PRKD1: variants seen among roughly 807,000 people sequenced by gnomAD.
PRKD1 encodes serine/threonine-protein kinase D1.
PRKD1 carries 63 observed loss-of-function variants against 95.9 expected under a neutral mutation model. That is an observed-to-expected ratio of 0.66 (90% confidence interval 0.54 to 0.81). The LOEUF is 0.81. Ranked by LOEUF, PRKD1 falls within the 30% of genes least tolerant of loss-of-function variation. The probability of loss-of-function intolerance (pLI) is 0.00; values close to 1 mark genes in which losing one functional copy is unlikely to be tolerated. For missense variants in PRKD1, 1,048 were observed against 1,165.3 expected (o/e 0.90, Z 1.47); for synonymous variants, 425 against 423.1 (o/e 1.00, Z -0.05).
At chr14:29,773,657 C>T (rs916961832) in intron 1 of PRKD1, among the ~76,000 whole-genome samples, 9 of 152,064 alleles carry the variant, frequency 5.9e-5, no homozygotes, top group Non-Finnish European at 1.3e-4. Context: ...TTATTTGATA[C>T]AATATTTCTA....
At position 29,731,580 on chromosome 14, in the gene PRKD1, A is replaced by G. The variant is rs1172147726; in HGVS notation, c.265-5906T>C. Among the ~76,000 whole-genome samples, 4 of 151,856 alleles carry G rather than the reference A, an allele frequency of 2.6e-5. No homozygotes were observed. The South Asian group carries it at 6.2e-4, about 24-fold the overall frequency. On this transcript the variant is annotated intron_variant, in intron 1 of 17. Coordinates refer to ENST00000331968, the MANE Select transcript of PRKD1 (RefSeq NM_002742.3). ...GGATTTTTTTCTCTTTTTCCTTTCA[A>G]TTCTATTATTTGCTTTAAGTATTCT...
At position 29,638,583 on chromosome 14, in the gene PRKD1, T is replaced by C. The variant is rs1236873815; in HGVS notation, c.908-17A>G. The C allele has an allele frequency of 6.2e-7, 1 of 1,613,968 alleles. No individual in the cohort carries two copies. Among genetic ancestry groups the C allele is most frequent in the Non-Finnish European group, 8.5e-7 (1 of 1,179,938 alleles). ...ATCTGCAATCTAATCCCAGTGATTT[T>C]CAAACAAAACAAAATGAGAATTTGT... On this transcript the variant is annotated splice_polypyrimidine_tract_variant and intron_variant, in intron 5 of 17. Transcript: ENST00000331968.
intron 1 of PRKD1, among the ~76,000 whole-genome samples, chr14:29,908,935 G>T (rs1006870363): frequency 3.9e-5 from 6 of 152,160 alleles, no homozygotes; most frequent in Admixed American, 2.6e-4. Context: ...CACTATGGGA[G>T]CCCCTCTCTG....
chr14:29,823,119 T>C (rs1359933514), intron 1 of PRKD1, among the ~76,000 whole-genome samples: 1 of 152,168 alleles, frequency 6.6e-6, no homozygotes, highest in Non-Finnish European at 1.5e-5. Context: ...TAACTGAATA[T>C]ACTATGTGTG....
At chr14:29,906,763 A>G (rs953874192) in intron 1 of PRKD1, among the ~76,000 whole-genome samples, 1 of 152,230 alleles carries the variant, frequency 6.6e-6, no homozygotes, top group Non-Finnish European at 1.5e-5. Flanking sequence ...GAGTTTCTCA[A>G]ATTCACTTCA....
chr14:29,695,920 A>G (rs1884491701), intron 2 of PRKD1, among the ~76,000 whole-genome samples: 1 of 152,234 alleles, frequency 6.6e-6, no homozygotes, highest in East Asian at 1.9e-4. Context: ...GCATTTTACA[A>G]TAAATGTAAA....
intron 2 of PRKD1, among the ~76,000 whole-genome samples, chr14:29,696,136 G>A (rs553191309): frequency 1.3e-5 from 2 of 152,210 alleles, no homozygotes; most frequent in East Asian, 1.9e-4. Flanking sequence ...AGTGACTCGG[G>A]ATAGTCTAGT....
At chr14:29,789,381 G>A (rs1889431011) in intron 1 of PRKD1, among the ~76,000 whole-genome samples, 1 of 152,062 alleles carries the variant, frequency 6.6e-6, no homozygotes. Context: ...CAATTTTATG[G>A]ATGGCTTTTT....
chr14:29,801,559 T>G (rs562159880), intron 1 of PRKD1, among the ~76,000 whole-genome samples: 1 of 152,254 alleles, frequency 6.6e-6, no homozygotes, highest in African/African-American at 2.4e-5. Flanking sequence ...AACCTCAATA[T>G]GCTTATTAAA....
intron 2 of PRKD1, among the ~76,000 whole-genome samples, chr14:29,685,129 T>C (rs575234805): frequency 1.9e-4 from 29 of 152,338 alleles, no homozygotes; most frequent in African/African-American, 5.8e-4. Flanking sequence ...ATGTGGCTTC[T>C]TGCCATTTCC....
At chr14:29,617,135 CT>C (rs553761727) in intron 13 of PRKD1, among the ~76,000 whole-genome samples, 31 of 152,216 alleles carry the variant, frequency 2.0e-4, no homozygotes, top group Admixed American at 6.5e-4. Flanking sequence ...CATGATTTCC[CT>C]TTTTTATGGC....
At chr14:29,762,423 C>A (rs1175925545) in intron 1 of PRKD1, among the ~76,000 whole-genome samples, 1 of 152,126 alleles carries the variant, frequency 6.6e-6, no homozygotes, top group Non-Finnish European at 1.5e-5. Context: ...AGACAGGATG[C>A]TTCTTTGAGT....
chr14:29,645,500 C>T (rs1165531219), intron 4 of PRKD1, among the ~76,000 whole-genome samples: 2 of 152,200 alleles, frequency 1.3e-5, no homozygotes, highest in Admixed American at 6.5e-5. Flanking sequence ...CCAGAAATTT[C>T]GAGATCTAGC....
At chr14:29,730,172 G>C (rs1249347581) in intron 1 of PRKD1, among the ~76,000 whole-genome samples, 1 of 151,952 alleles carries the variant, frequency 6.6e-6, no homozygotes, top group Non-Finnish European at 1.5e-5. Context: ...GAATAGACAT[G>C]TCTCAAAAGA....
chr14:29,578,457 TGC>T, intron 16 of PRKD1, 97 bp from the exon 17 acceptor site: 3 of 690,488 alleles, frequency 4.3e-6, no homozygotes, highest in Non-Finnish European at 6.2e-6. Flanking sequence ...CACAGTTAAA[TGC>T]AGCATAGTGA....
intron 1 of PRKD1, among the ~76,000 whole-genome samples, chr14:29,847,953 C>A (rs1286263766): frequency 1.3e-5 from 2 of 152,082 alleles, no homozygotes; most frequent in Admixed American, 6.6e-5. Context: ...ATTGTCTCCC[C>A]ATCTAGACAA....
At chr14:29,696,388 G>A (rs563818441) in intron 2 of PRKD1, among the ~76,000 whole-genome samples, 4 of 152,248 alleles carry the variant, frequency 2.6e-5, no homozygotes, top group South Asian at 2.1e-4. Flanking sequence ...TATAAGATAC[G>A]AAAATCAAGT....
At chr14:29,614,762 G>C (rs754824222) in intron 13 of PRKD1, among the ~76,000 whole-genome samples, 1 of 151,062 alleles carries the variant, frequency 6.6e-6, no homozygotes, top group Non-Finnish European at 1.5e-5. Context: ...CAACTGGCAC[G>C]ATCTCGGCTC....
At chr14:29,811,171 T>C (rs12147361) in intron 1 of PRKD1, among the ~76,000 whole-genome samples, 26,627 of 152,190 alleles carry the variant, frequency 0.17, 2,852 homozygotes, top group Non-Finnish European at 0.24. Context: ...ATCAAGTGTT[T>C]TCCTTTCTTC....
Sources: gnomAD v4.1 joint callset for allele counts (sites outside exome capture counted in the v4.1 genomes callset) on GRCh38, gnomAD v4.1.1 for gene constraint, MANE v1.5 for transcripts, NCBI Gene and HGNC (gene_info 2026-07-23, HGNC 2026-07-21) for gene names.